The following WDR70 variants were observed in gnomAD, a reference collection of about 807,000 sequenced individuals.
WDR70 encodes the protein WD repeat domain 70, also known as WD repeat-containing protein 70.
WDR70 carries 53 observed loss-of-function variants against 88.6 expected under a neutral mutation model. The ratio of observed to expected loss-of-function variants is 0.60; its 90% CI spans 0.48 to 0.75. The LOEUF (loss-of-function observed/expected upper bound fraction) is 0.75, where lower values mean the gene tolerates loss of function less well. Among genes scored for constraint, WDR70 ranks in the 30% least tolerant of loss-of-function variants. The pLI is 0.00. For missense variants in WDR70, 610 were observed against 823.2 expected, an observed-to-expected ratio of 0.74 and a Z score of 3.17; for synonymous variants, 280 against 270.0, an observed-to-expected ratio of 1.04 and a Z score of -0.36.
chr5:37,740,518 A>G (rs1414894713), intron 17 of WDR70, among the ~76,000 whole-genome samples: 1 of 152,192 alleles, frequency 6.6e-6, no homozygotes, highest in Admixed American at 6.6e-5. Context: ...AACAACACAC[A>G]GCTCTTATTA....
At chr5:37,558,916 A>G (rs1742399464) in intron 9 of WDR70, among the ~76,000 whole-genome samples, 1 of 149,912 alleles carries the variant, frequency 6.7e-6, no homozygotes, top group Admixed American at 6.6e-5. Flanking sequence ...AATTTGGTGT[A>G]TTCTTTTTTT....
intron 10 of WDR70, among the ~76,000 whole-genome samples, chr5:37,681,432 C>A (rs4516881): frequency 0.24 from 36,661 of 152,016 alleles, 5,099 homozygotes; most frequent in Admixed American, 0.38. Context: ...CTTTCTCTTG[C>A]CTGATTCCTC....
chr5:37,535,270 C>G (rs887979573), intron 9 of WDR70, among the ~76,000 whole-genome samples: 1 of 150,750 alleles, frequency 6.6e-6, no homozygotes, highest in Admixed American at 6.6e-5. Context: ...GAGGCAGCCA[C>G]AGGGAAAGAA....
At chr5:37,487,913 C>T (rs1424724263) in intron 8 of WDR70, among the ~76,000 whole-genome samples, 6 of 151,982 alleles carry the variant, frequency 3.9e-5, no homozygotes, top group Middle Eastern at 3.4e-3. Flanking sequence ...CATGAGCCAC[C>T]GCATCCAGCC....
At chr5:37,541,436 A>C (rs1299332605) in intron 9 of WDR70, among the ~76,000 whole-genome samples, 5 of 152,226 alleles carry the variant, frequency 3.3e-5, no homozygotes, top group Non-Finnish European at 7.3e-5. Flanking sequence ...GCTAATACTT[A>C]AAAAAGTACT....
intron 10 of WDR70, among the ~76,000 whole-genome samples, 195 bp from the exon 11 acceptor site, chr5:37,697,460 T>G (rs562905750): frequency 6.6e-6 from 1 of 152,246 alleles, no homozygotes; most frequent in Non-Finnish European, 1.5e-5. Context: ...TGTTCTTTAT[T>G]AAAGCAAATG....
chr5:37,402,896 T>G (rs1749239665), intron 5 of WDR70, among the ~76,000 whole-genome samples: 1 of 149,384 alleles, frequency 6.7e-6, no homozygotes, highest in Non-Finnish European at 1.5e-5. Context: ...AAATCCATCC[T>G]TCCTTCCTTC....
chr5:37,654,167 G>T (rs565554955), intron 10 of WDR70, among the ~76,000 whole-genome samples: 2 of 152,242 alleles, frequency 1.3e-5, no homozygotes, highest in South Asian at 4.1e-4. Flanking sequence ...TGGTTTCAAA[G>T]AACTTATTTA....
At chr5:37,533,270 G>A (rs1200188725) in intron 9 of WDR70, among the ~76,000 whole-genome samples, 1 of 152,196 alleles carries the variant, frequency 6.6e-6, no homozygotes, top group Non-Finnish European at 1.5e-5. Context: ...TTTCAAGAGT[G>A]CATCAGCTGT....
intron 9 of WDR70, among the ~76,000 whole-genome samples, chr5:37,571,804 T>C (rs1742913385): frequency 6.6e-6 from 1 of 152,196 alleles, no homozygotes; most frequent in East Asian, 1.9e-4. Flanking sequence ...TCTGACATTT[T>C]ATTGCAGGGA....
At chr5:37,649,677 A>T (rs978448912) in intron 10 of WDR70, among the ~76,000 whole-genome samples, 1 of 150,006 alleles carries the variant, frequency 6.7e-6, no homozygotes, top group South Asian at 2.1e-4. Flanking sequence ...GTTATAGTAC[A>T]TATGTAAGCA....
At chr5:37,493,674 C>T (rs1237097442) in intron 8 of WDR70, among the ~76,000 whole-genome samples, 1 of 152,042 alleles carries the variant, frequency 6.6e-6, no homozygotes, top group African/African-American at 2.4e-5. Flanking sequence ...TGTACTAAGT[C>T]CCTAGGTTTT....
At chr5:37,622,670 T>C (rs1483579476) in intron 10 of WDR70, among the ~76,000 whole-genome samples, 1 of 151,592 alleles carries the variant, frequency 6.6e-6, no homozygotes, top group Non-Finnish European at 1.5e-5. Context: ...ATGTTCTCAC[T>C]CATAGGTGGG....
At chr5:37,705,821 G>C (rs1482834553) in intron 13 of WDR70, among the ~76,000 whole-genome samples, 1 of 152,116 alleles carries the variant, frequency 6.6e-6, no homozygotes, top group Non-Finnish European at 1.5e-5. Context: ...AATATCAGCA[G>C]TTAGTAGTGT....
chr5:37,602,296 G>T (rs1743908504), intron 9 of WDR70, among the ~76,000 whole-genome samples: 1 of 144,168 alleles, frequency 6.9e-6, no homozygotes, highest in African/African-American at 2.6e-5. Context: ...TTTAACCAAG[G>T]AGTTAAAAGA....
At chr5:37,582,372 T>C (rs1053751165) in intron 9 of WDR70, among the ~76,000 whole-genome samples, 1 of 152,208 alleles carries the variant, frequency 6.6e-6, no homozygotes, top group Admixed American at 6.5e-5. Context: ...GGAATACTTT[T>C]CGAAGTCCCT....
intron 10 of WDR70, among the ~76,000 whole-genome samples, chr5:37,679,208 G>A (rs925209524): frequency 6.6e-5 from 10 of 150,794 alleles, no homozygotes; most frequent in South Asian, 2.1e-4. Flanking sequence ...TAGTTTGATC[G>A]TCTGAAGCCT....
intron 5 of WDR70, among the ~76,000 whole-genome samples, chr5:37,420,876 C>A (rs1749926115): frequency 6.6e-6 from 1 of 151,966 alleles, no homozygotes. Context: ...ATCACGCCAC[C>A]ACTTCAGCCT....
At chr5:37,504,688 T>A (rs1740507019) in intron 8 of WDR70, among the ~76,000 whole-genome samples, 1 of 152,240 alleles carries the variant, frequency 6.6e-6, no homozygotes, top group Non-Finnish European at 1.5e-5. Context: ...CTTCCCACTA[T>A]GCATATTTAC....
Sources: gnomAD v4.1 joint callset for allele counts (sites outside exome capture counted in the v4.1 genomes callset) on GRCh38, gnomAD v4.1.1 for gene constraint, MANE v1.5 for transcripts, NCBI Gene and HGNC (gene_info 2026-07-23, HGNC 2026-07-21) for gene names.